The following PDE5A variants were observed in gnomAD, a reference collection of about 807,000 sequenced individuals.
The protein encoded by PDE5A is phosphodiesterase 5A.
A neutral mutation model predicts 110.2 loss-of-function variants in PDE5A; 67 were observed. The observed-to-expected ratio is 0.61, with a 90% CI of 0.50 to 0.75. PDE5A has a LOEUF of 0.75. Ranked by LOEUF, PDE5A falls within the 30% of genes least tolerant of loss-of-function variation. The pLI is 0.00. For missense variants in PDE5A, 862 were observed against 1,045.1 expected, an observed-to-expected ratio of 0.82 and a Z score of 2.42; for synonymous variants, 328 against 351.2, an observed-to-expected ratio of 0.93 and a Z score of 0.74.
chr4:119,628,007 C>A, intron 1 of PDE5A: 1 of 984,090 alleles, frequency 1.0e-6, no homozygotes, highest in Non-Finnish European at 1.2e-6. Context: ...TGGCAAGGTT[C>A]CGTCATGTTG....
chr4:119,592,017 G>A (rs928276747), intron 3 of PDE5A, among the ~76,000 whole-genome samples: 1 of 151,648 alleles, frequency 6.6e-6, no homozygotes, highest in African/African-American at 2.4e-5. Context: ...GGGTGTGGTG[G>A]CGCACGCCTG....
intron 5 of PDE5A, among the ~76,000 whole-genome samples, chr4:119,564,495 C>G (rs1400420620): frequency 6.6e-6 from 1 of 152,052 alleles, no homozygotes; most frequent in Non-Finnish European, 1.5e-5. Context: ...ACTAGTGTAG[C>G]AGGCATAGGG....
intron 3 of PDE5A, among the ~76,000 whole-genome samples, chr4:119,585,814 T>C (rs1037942099): frequency 2.6e-5 from 4 of 152,146 alleles, no homozygotes; most frequent in African/African-American, 9.7e-5. Flanking sequence ...CGAGGTTATA[T>C]AGAGCACTAC....
rs1414604508 is a variant in PDE5A, at chr4:119,596,535, A to T, written c.819T>A (p.Asn273Lys). Residue 273 changes from asparagine to lysine, a missense_variant, in exon 3 of 21, where the codon AAT becomes AAA. Coordinates refer to ENST00000354960, the MANE Select transcript of PDE5A (RefSeq NM_001083.4). ...AAAATTGGCTTACCTCTTCCCTATGATTCTTAATTGGCATACAAAGAATGC... is the reference window on the plus strand; with the variant it reads ...AAAATTGGCTTACCTCTTCCCTATGTTTCTTAATTGGCATACAAAGAATGC... ...TQSILCMPIK[N>K]HREEVVGVAQ... 6.3e-7 allele frequency: 1 copy of T among 1,585,394 alleles called. No homozygotes were observed. The highest frequency in any genetic ancestry group is 1.3e-5 in the African/African-American group (1 of 74,096).
At chr4:119,522,227 A>G (rs1242374396) in intron 12 of PDE5A, among the ~76,000 whole-genome samples, 1 of 151,976 alleles carries the variant, frequency 6.6e-6, no homozygotes, top group East Asian at 1.9e-4. Flanking sequence ...ATGTCTCCTA[A>G]CCTTTTTACC....
At chr4:119,503,182 T>C (rs1388307394) in intron 18 of PDE5A, among the ~76,000 whole-genome samples, 1 of 152,020 alleles carries the variant, frequency 6.6e-6, no homozygotes, top group Non-Finnish European at 1.5e-5. Context: ...GTAGGAAGAG[T>C]TACTAGGCTC....
intron 3 of PDE5A, among the ~76,000 whole-genome samples, chr4:119,582,608 CTA>C (rs1409443385): frequency 6.6e-6 from 1 of 152,196 alleles, no homozygotes; most frequent in Non-Finnish European, 1.5e-5. Context: ...AGAGGAATCT[CTA>C]TTTATGTCAG....
In PDE5A at chr4:119,523,313, T is replaced by G. The variant is rs181242143; in HGVS notation, c.1779+2236A>C. Among the ~76,000 whole-genome samples the G allele has an allele frequency of 1.2e-4, 18 of 152,186 alleles. No homozygotes were observed. The East Asian group carries it at 3.5e-3, about 29-fold the overall frequency. ...TCAGAGATCAGCAAGAGGCAATGGT[T>G]ACAGTCATTATAGGAGAATAACTAA... On this transcript the variant is annotated intron_variant, in intron 12 of 20. Coordinates refer to ENST00000354960, the MANE Select transcript of PDE5A (RefSeq NM_001083.4).
At chr4:119,579,974 T>C (rs2110520491) in intron 3 of PDE5A, among the ~76,000 whole-genome samples, 1 of 152,290 alleles carries the variant, frequency 6.6e-6, no homozygotes, top group African/African-American at 2.4e-5. Context: ...TGGGTAATGT[T>C]GAAGCAGGCT....
rs1725059569 is a variant in PDE5A at position 119,496,167 on chromosome 4, A to C, written c.*2434T>G. On this transcript the variant is annotated 3_prime_UTR_variant, in exon 21 of 21. Transcript: ENST00000354960. ...GGGACTTTTCTGGCTAAAAATTGTA[A>C]TTAAATGGTATGTTACTCTGTTATA... The C allele has an allele frequency of 6.6e-6, 1 of 152,164 alleles. No homozygotes were observed. Among genetic ancestry groups the C allele is most frequent in the African/African-American group, 2.4e-5 (1 of 41,428 alleles). 9.4% of individuals were successfully genotyped at this position (152,164 alleles called of 1,614,324 possible).
At chr4:119,577,439 A>G (rs1728399492) in intron 3 of PDE5A, among the ~76,000 whole-genome samples, 1 of 152,250 alleles carries the variant, frequency 6.6e-6, no homozygotes, top group Admixed American at 6.5e-5. Flanking sequence ...AATCCTCAAT[A>G]AAATACTGGC....
At chr4:119,521,371 G>GTTT (rs775549268) in intron 12 of PDE5A, among the ~76,000 whole-genome samples, 1 of 140,798 alleles carries the variant, frequency 7.1e-6, no homozygotes, top group African/African-American at 2.6e-5. Flanking sequence ...CACTGGGTAG[G>GTTT]TTTTTTTTTT....
Position 119,599,486 on chromosome 4 carries a change from G to A in PDE5A, c.742-2874C>T, listed in dbSNP as rs569219462. Among the ~76,000 whole-genome samples, 3 of 151,912 alleles carry A rather than the reference G, an allele frequency of 2.0e-5. No individual in the cohort carries two copies. The South Asian group carries it at 6.3e-4, about 32-fold the overall frequency. On this transcript the variant is annotated intron_variant, in intron 2 of 20. Transcript: ENST00000354960. Reference sequence around the variant, plus strand: ...AGAGATAGGAATCTCTGCAAGGAAAGAAAAAACTATTAAAATAGTCAAATG... The same window carrying A: ...AGAGATAGGAATCTCTGCAAGGAAAAAAAAAACTATTAAAATAGTCAAATG...
At chr4:119,503,425 T>G (rs13107334) in intron 18 of PDE5A, among the ~76,000 whole-genome samples, 22,587 of 152,096 alleles carry the variant, frequency 0.15, 1,875 homozygotes, top group Middle Eastern at 0.21. Flanking sequence ...CATTCAGAAC[T>G]TTCTCGACAT....
At chr4:119,511,880 C>T (rs766966779) in intron 14 of PDE5A, among the ~76,000 whole-genome samples, 17 of 152,056 alleles carry the variant, frequency 1.1e-4, no homozygotes, top group Admixed American at 5.3e-4. Flanking sequence ...CTTTAAAGCA[C>T]GACAAGCACA....
intron 9 of PDE5A, among the ~76,000 whole-genome samples, chr4:119,547,092 T>A (rs1409237696): frequency 1.4e-5 from 2 of 146,482 alleles, no homozygotes; most frequent in Non-Finnish European, 3.0e-5. Context: ...TGGTTAGAAT[T>A]TCTTTGGGCA....
chr4:119,543,530 G>A (rs1332267418), intron 9 of PDE5A, among the ~76,000 whole-genome samples: 1 of 152,168 alleles, frequency 6.6e-6, no homozygotes, highest in Non-Finnish European at 1.5e-5. Context: ...ATTCTGTGAG[G>A]TAGATGTGAC....
chr4:119,621,271 A>G (rs893902411), intron 1 of PDE5A, among the ~76,000 whole-genome samples: 3 of 152,202 alleles, frequency 2.0e-5, no homozygotes, highest in Non-Finnish European at 2.9e-5. Context: ...CTCCCCAATG[A>G]TATATCACCT....
intron 11 of PDE5A, among the ~76,000 whole-genome samples, chr4:119,532,416 T>A (rs1726574733): frequency 6.6e-6 from 1 of 152,114 alleles, no homozygotes; most frequent in South Asian, 2.1e-4. Flanking sequence ...ACATTTTACT[T>A]TTTTCATTAA....
Sources: gnomAD v4.1 joint callset for allele counts (sites outside exome capture counted in the v4.1 genomes callset) on GRCh38, gnomAD v4.1.1 for gene constraint, MANE v1.5 for transcripts, NCBI Gene and HGNC (gene_info 2026-07-23, HGNC 2026-07-21) for gene names.